EXOC4: variants seen among roughly 807,000 people sequenced by gnomAD.
The protein encoded by EXOC4 is SEC8-like 1.
A neutral mutation model predicts 107.2 loss-of-function variants in EXOC4; 71 were observed. That is an observed-to-expected ratio of 0.66 (90% CI 0.55 to 0.81). The LOEUF is 0.81. Among genes scored for constraint, EXOC4 ranks in the 30% least tolerant of loss-of-function variants. EXOC4 has a pLI of 0.00. For synonymous variants in EXOC4, 456 were observed against 441.2 expected (o/e 1.03, Z -0.42); for missense variants, 1,108 against 1,189.6 (o/e 0.93, Z 1.01).
intron 10 of EXOC4, among the ~76,000 whole-genome samples, chr7:133,719,447 G>T (rs749919557): frequency 6.6e-6 from 1 of 151,888 alleles, no homozygotes; most frequent in Non-Finnish European, 1.5e-5. Context: ...AAAGCAGGAA[G>T]ACCTTTTAGG....
chr7:133,619,551 G>C (rs1329577489), intron 9 of EXOC4, among the ~76,000 whole-genome samples: 1 of 152,170 alleles, frequency 6.6e-6, no homozygotes, highest in African/African-American at 2.4e-5. Context: ...GTCATCAGAG[G>C]ATTCTCAGCT....
intron 2 of EXOC4, among the ~76,000 whole-genome samples, chr7:133,287,532 CT>C (rs761515743): frequency 1.1e-3 from 163 of 152,218 alleles, no homozygotes; most frequent in Non-Finnish European, 2.0e-3. Flanking sequence ...CCAGGATGGT[CT>C]CGATCTCCTG....
chr7:134,092,569 G>T, the EXOC4 span, among the ~76,000 whole-genome samples: 1 of 152,086 alleles, frequency 6.6e-6, no homozygotes, highest in East Asian at 1.9e-4. Flanking sequence ...CATTCTCAAA[G>T]AAAAGAAATT....
At chr7:133,648,280 G>A (rs1803042861) in intron 10 of EXOC4, among the ~76,000 whole-genome samples, 2 of 152,144 alleles carry the variant, frequency 1.3e-5, no homozygotes, top group South Asian at 4.1e-4. Flanking sequence ...GGTCTGAAGT[G>A]AAAAGAAAAC....
chr7:134,077,533 G>A, the EXOC4 span, among the ~76,000 whole-genome samples: 5 of 152,200 alleles, frequency 3.3e-5, no homozygotes, highest in Non-Finnish European at 7.3e-5. Flanking sequence ...GAGACCTCAG[G>A]TTGAAACAGG....
intron 17 of EXOC4, among the ~76,000 whole-genome samples, chr7:134,022,392 A>C (rs1026270036): frequency 6.6e-6 from 1 of 152,166 alleles, no homozygotes; most frequent in Non-Finnish European, 1.5e-5. Context: ...GCTATTGGCT[A>C]TCAGCTATTT....
chr7:133,753,887 C>T (rs1323462900), intron 10 of EXOC4, among the ~76,000 whole-genome samples: 1 of 152,054 alleles, frequency 6.6e-6, no homozygotes, highest in East Asian at 1.9e-4. Context: ...ATGATTTGAT[C>T]AGATTTGAAC....
At chr7:133,696,814 A>G (rs918442590) in intron 10 of EXOC4, among the ~76,000 whole-genome samples, 5 of 152,128 alleles carry the variant, frequency 3.3e-5, no homozygotes, top group African/African-American at 1.2e-4. Context: ...CTCCCTTACT[A>G]TGTCATGAGG....
At chr7:133,476,458 A>C (rs1019406270) in intron 8 of EXOC4, among the ~76,000 whole-genome samples, 3 of 152,192 alleles carry the variant, frequency 2.0e-5, no homozygotes, top group Non-Finnish European at 4.4e-5. Context: ...ACCACCACTG[A>C]AGTATCCCAG....
At chr7:133,881,225 T>G (rs1363801200) in intron 11 of EXOC4, among the ~76,000 whole-genome samples, 1 of 152,122 alleles carries the variant, frequency 6.6e-6, no homozygotes, top group African/African-American at 2.4e-5. Flanking sequence ...GGCTTCTGAC[T>G]GCCTCACTGA....
intron 11 of EXOC4, among the ~76,000 whole-genome samples, chr7:133,823,882 ATATATATATATTT>A (rs1171838960): frequency 9.6e-5 from 2 of 20,920 alleles, no homozygotes; most frequent in African/African-American, 6.9e-4. Flanking sequence ...TTATATATAT[ATATATATATATTT>A]TATATATATA....
intron 15 of EXOC4, among the ~76,000 whole-genome samples, chr7:134,004,541 A>G (rs1411286779): frequency 3.9e-5 from 6 of 152,184 alleles, no homozygotes; most frequent in African/African-American, 1.4e-4. Flanking sequence ...TTTTCACAGT[A>G]TGCCTACAAC....
At chr7:133,883,922 G>A (rs981391752) in intron 11 of EXOC4, among the ~76,000 whole-genome samples, 6 of 152,126 alleles carry the variant, frequency 3.9e-5, no homozygotes, top group Admixed American at 3.9e-4. Flanking sequence ...AAAATGGAAA[G>A]CATATTTCCT....
At chr7:133,330,792 A>G (rs189481402) in intron 5 of EXOC4, among the ~76,000 whole-genome samples, 3 of 151,844 alleles carry the variant, frequency 2.0e-5, no homozygotes, top group African/African-American at 7.2e-5. Flanking sequence ...CCACTGTCCA[A>G]CCAGTCCCAG....
chr7:133,732,246 G>T (rs1457869792), intron 10 of EXOC4, among the ~76,000 whole-genome samples: 7 of 152,144 alleles, frequency 4.6e-5, no homozygotes, highest in Non-Finnish European at 4.4e-5. Flanking sequence ...GAGAACACAT[G>T]AACCCAGAGA....
chr7:133,898,941 G>T (rs780662380), intron 12 of EXOC4, among the ~76,000 whole-genome samples: 1 of 150,364 alleles, frequency 6.7e-6, no homozygotes, highest in Non-Finnish European at 1.5e-5. Flanking sequence ...TTGCACCCCT[G>T]CACTCCAGAC....
intron 5 of EXOC4, among the ~76,000 whole-genome samples, chr7:133,332,152 TCTG>T (rs1795409262): frequency 6.6e-6 from 1 of 152,198 alleles, no homozygotes; most frequent in South Asian, 2.1e-4. Context: ...TATTCATGCT[TCTG>T]CTGGGATTTC....
chr7:133,957,364 TA>T (rs1800841315), intron 14 of EXOC4, among the ~76,000 whole-genome samples: 1 of 152,216 alleles, frequency 6.6e-6, no homozygotes, highest in Non-Finnish European at 1.5e-5. Context: ...CTGGAAATTT[TA>T]GAGTAAATAT....
intron 10 of EXOC4, among the ~76,000 whole-genome samples, chr7:133,707,427 GT>G (rs111560306): frequency 1.2e-3 from 170 of 144,558 alleles, no homozygotes; most frequent in Middle Eastern, 3.6e-3. Flanking sequence ...GCCATTGTTG[GT>G]TTTTTTTTTT....
Sources: gnomAD v4.1 joint callset for allele counts (sites outside exome capture counted in the v4.1 genomes callset) on GRCh38, gnomAD v4.1.1 for gene constraint, MANE v1.5 for transcripts, NCBI Gene and HGNC (gene_info 2026-07-23, HGNC 2026-07-21) for gene names.